Variants in FAF1 observed in about 807,000 individuals in gnomAD.
FAF1 encodes the protein FAS-associated factor 1.
FAF1 carries 25 observed loss-of-function variants against 92.5 expected under a neutral mutation model. The ratio of observed to expected loss-of-function variants is 0.27; its 90% CI spans 0.20 to 0.38. The LOEUF (loss-of-function observed/expected upper bound fraction) is 0.38. Ranked by LOEUF, FAF1 falls within the 10% of genes least tolerant of loss-of-function variation. The pLI is 1.00. For missense variants in FAF1, 636 were observed against 793.3 expected (o/e 0.80, Z 2.38); for synonymous variants, 234 against 273.2 (o/e 0.86, Z 1.42).
intron 13 of FAF1, among the ~76,000 whole-genome samples, chr1:50,550,328 G>A (rs1649249831): frequency 6.7e-6 from 1 of 148,868 alleles, no homozygotes; most frequent in African/African-American, 2.5e-5. Context: ...TCCAGCCTGG[G>A]CGACAGAGTG....
intron 10 of FAF1, among the ~76,000 whole-genome samples, chr1:50,584,048 T>A (rs1651112365): frequency 6.6e-6 from 1 of 152,160 alleles, no homozygotes; most frequent in East Asian, 1.9e-4. Context: ...ATCTTGTGAC[T>A]AAATTATATT....
chr1:50,906,492 T>G (rs1338411089), intron 1 of FAF1, among the ~76,000 whole-genome samples: 1 of 152,222 alleles, frequency 6.6e-6, no homozygotes, highest in Non-Finnish European at 1.5e-5. Context: ...TTCACAATGT[T>G]GATTCTTCCT....
intron 2 of FAF1, among the ~76,000 whole-genome samples, chr1:50,829,063 A>G (rs571560278): frequency 3.3e-5 from 5 of 152,354 alleles, no homozygotes; most frequent in East Asian, 1.9e-4. Flanking sequence ...TAAAACCACA[A>G]TGAAATGCCT....
rs1037595410 is a variant in FAF1, at chr1:50,692,714, T to C, written c.657+13072A>G. On this transcript the variant is annotated intron_variant, in intron 7 of 18. Coordinates refer to ENST00000396153, the MANE Select transcript of FAF1 (RefSeq NM_007051.3). The stretch of plus-strand genomic sequence containing the variant: ...GAACACTTACATTGCTTCCATATCT[T>C]GCTTATTGTGAACAATGCTTCAATG... 5.9e-5 allele frequency among the ~76,000 whole-genome samples: 9 copies of C among 152,334 alleles called. No homozygotes were observed. The East Asian group carries it at 1.5e-3, about 26-fold the overall frequency.
chr1:50,563,471 C>G (rs1186282534), intron 13 of FAF1, among the ~76,000 whole-genome samples: 1 of 151,772 alleles, frequency 6.6e-6, no homozygotes, highest in Non-Finnish European at 1.5e-5. Flanking sequence ...CTCAAGACTA[C>G]CAAGGGCTTC....
At chr1:50,463,591 T>C (rs1344421273) in intron 18 of FAF1, among the ~76,000 whole-genome samples, 1 of 152,268 alleles carries the variant, frequency 6.6e-6, no homozygotes, top group African/African-American at 2.4e-5. Context: ...CCCAGTTGTC[T>C]AACCTGTAAA....
rs191223728 is a variant in FAF1 at position 50,587,875 on chromosome 1, C to T, written c.841-3064G>A. Among the ~76,000 whole-genome samples, 365 of 152,172 alleles carry T rather than the reference C, an allele frequency of 2.4e-3. 1 individual carries two copies. The highest frequency in any genetic ancestry group is 8.5e-3 in the African/African-American group (352 of 41,508). On this transcript the variant is annotated intron_variant, in intron 9 of 18. Coordinates refer to ENST00000396153, the MANE Select transcript of FAF1 (RefSeq NM_007051.3). ...TTCCTGGAGGAGATGATAACTAAAC[C>T]GTTTAAGGTAAACATTTAGAACTCA...
At chr1:50,836,851 CA>C (rs1053388036) in intron 2 of FAF1, among the ~76,000 whole-genome samples, 2 of 150,142 alleles carry the variant, frequency 1.3e-5, no homozygotes, top group African/African-American at 2.5e-5. Flanking sequence ...TTATCAAAGT[CA>C]AAAAAATTAA....
chr1:50,512,046 G>C (rs190935357), intron 15 of FAF1, among the ~76,000 whole-genome samples: 9 of 152,260 alleles, frequency 5.9e-5, no homozygotes, highest in Admixed American at 3.3e-4. Flanking sequence ...GTCTTCTTTT[G>C]AGAAGTGTCT....
At chr1:50,839,638 TAA>T (rs1377264054) in intron 2 of FAF1, among the ~76,000 whole-genome samples, 1 of 152,172 alleles carries the variant, frequency 6.6e-6, no homozygotes, top group African/African-American at 2.4e-5. Flanking sequence ...CAGGTCCTTA[TAA>T]TACTTGTATC....
intron 13 of FAF1, among the ~76,000 whole-genome samples, chr1:50,543,812 G>A (rs1572821629): frequency 6.6e-6 from 1 of 151,330 alleles, no homozygotes; most frequent in South Asian, 2.1e-4. Flanking sequence ...TAGAAAATAA[G>A]ACAATACATT....
intron 15 of FAF1, among the ~76,000 whole-genome samples, chr1:50,527,008 C>A (rs561539815): frequency 6.6e-6 from 1 of 152,176 alleles, no homozygotes; most frequent in East Asian, 1.9e-4. Context: ...GTGCGTGCCA[C>A]CATGCCCAGC....
At chr1:50,942,164 T>C (rs1157216217) in intron 1 of FAF1, among the ~76,000 whole-genome samples, 1 of 152,170 alleles carries the variant, frequency 6.6e-6, no homozygotes, top group Non-Finnish European at 1.5e-5. Flanking sequence ...AACAATTAGA[T>C]GAGATAATGC....
At chr1:50,558,951 A>T (rs1304741855) in intron 13 of FAF1, among the ~76,000 whole-genome samples, 4 of 152,182 alleles carry the variant, frequency 2.6e-5, no homozygotes, top group African/African-American at 9.6e-5. Flanking sequence ...GAACATTTTT[A>T]AAAGGATAAT....
intron 15 of FAF1, among the ~76,000 whole-genome samples, chr1:50,507,648 C>A (rs568380089): frequency 1.6e-4 from 24 of 152,084 alleles, no homozygotes; most frequent in Non-Finnish European, 2.4e-4. Flanking sequence ...CCCAGGAGTT[C>A]GAGGTTACAG....
chr1:50,565,445 T>C (rs532482681), intron 13 of FAF1, among the ~76,000 whole-genome samples: 4 of 152,102 alleles, frequency 2.6e-5, no homozygotes, highest in Non-Finnish European at 4.4e-5. Flanking sequence ...CACCTTTATT[T>C]AGTGTTTTTA....
At chr1:50,917,300 A>G (rs140260657) in intron 1 of FAF1, among the ~76,000 whole-genome samples, 1 of 152,302 alleles carries the variant, frequency 6.6e-6, no homozygotes, top group African/African-American at 2.4e-5. Context: ...CAACAAGAAC[A>G]AGATGGTATA....
intron 7 of FAF1, among the ~76,000 whole-genome samples, chr1:50,683,518 C>A (rs1656516559): frequency 6.8e-6 from 1 of 147,674 alleles, no homozygotes; most frequent in African/African-American, 2.5e-5. Context: ...CAGAGTGAGA[C>A]CCTGTCTCAT....
At chr1:50,958,087 G>C (rs926701361) in intron 1 of FAF1, among the ~76,000 whole-genome samples, 1 of 152,074 alleles carries the variant, frequency 6.6e-6, no homozygotes, top group Non-Finnish European at 1.5e-5. Flanking sequence ...CTTGAGCCCA[G>C]GAGTTCAAGA....
Sources: allele counts gnomAD v4.1 joint callset (sites outside exome capture counted in the v4.1 genomes callset), GRCh38; gene constraint gnomAD v4.1.1; transcripts MANE v1.5; gene names NCBI Gene and HGNC (gene_info 2026-07-23, HGNC 2026-07-21).